FRMPD4: variants seen among roughly 807,000 people sequenced by gnomAD.
FRMPD4 encodes FERM and PDZ domain-containing protein 4.
Under a neutral mutation model 94.1 loss-of-function variants are expected in FRMPD4, and 22 were observed. That is an observed-to-expected ratio of 0.23 (90% CI 0.17 to 0.33). The LOEUF (loss-of-function observed/expected upper bound fraction) is 0.33, where lower values mean the gene tolerates loss of function less well. Among genes scored for constraint, FRMPD4 ranks in the 10% least tolerant of loss-of-function variants. The pLI, the probability that FRMPD4 is intolerant of heterozygous loss-of-function variation, is 1.00. For missense variants in FRMPD4, 1,111 were observed against 1,339.9 expected, an observed-to-expected ratio of 0.83 and a Z score of 2.67; for synonymous variants, 631 against 548.6, an observed-to-expected ratio of 1.15 and a Z score of -2.10.
intron 7 of FRMPD4, among the ~76,000 whole-genome samples, chrX:12,688,270 C>A (rs1433514098): frequency 8.9e-6 from 1 of 111,963 alleles, no homozygotes; most frequent in Non-Finnish European, 1.9e-5. Context: ...CTCCCTACCC[C>A]ACCTGAAGAC....
intron 3 of FRMPD4, among the ~76,000 whole-genome samples, chrX:11,927,953 A>G (rs1376833172): frequency 8.9e-6 from 1 of 112,204 alleles, no homozygotes; most frequent in Non-Finnish European, 1.9e-5. Flanking sequence ...AAACTATCAA[A>G]AGAGTAAACA....
chrX:12,441,024 G>A (rs1411635398), intron 1 of FRMPD4, among the ~76,000 whole-genome samples: 2 of 112,276 alleles, frequency 1.8e-5, no homozygotes, highest in Non-Finnish European at 3.8e-5. Flanking sequence ...TCATTTAGGA[G>A]GTTGGGTAGC....
At chrX:12,374,988 G>A (rs939561569) in intron 1 of FRMPD4, 1 of 112,409 alleles carries the variant, frequency 8.9e-6, no homozygotes, top group African/African-American at 3.2e-5. Flanking sequence ...TCTGGTTTGT[G>A]ATATGCTTCC....
At chrX:12,451,316 T>C (rs1381529329) in intron 1 of FRMPD4, among the ~76,000 whole-genome samples, 1 of 112,024 alleles carries the variant, frequency 8.9e-6, no homozygotes, top group African/African-American at 3.2e-5. Flanking sequence ...TTAATGACAC[T>C]TTCCTCTTTT....
chrX:11,970,139 A>T (rs893499044), intron 3 of FRMPD4, among the ~76,000 whole-genome samples: 1 of 111,893 alleles, frequency 8.9e-6, no homozygotes, highest in African/African-American at 3.2e-5. Context: ...GGTCAAAGGT[A>T]TGTACTTTTC....
At chrX:12,330,437 A>G (rs968755231) in intron 1 of FRMPD4, among the ~76,000 whole-genome samples, 3 of 111,463 alleles carry the variant, frequency 2.7e-5, no homozygotes, top group Admixed American at 9.6e-5. Context: ...TCTGTGGACA[A>G]TCTAGTAAGC....
intron 1 of FRMPD4, among the ~76,000 whole-genome samples, chrX:12,477,345 C>T (rs181006918): frequency 1.8e-5 from 2 of 111,773 alleles, no homozygotes; most frequent in East Asian, 5.6e-4. Context: ...AGGAGATATA[C>T]CTAATGTTAA....
Position 11,866,564 on chromosome X carries a change from A to G in FRMPD4, c.-30+1348A>G, listed in dbSNP as rs1040102435. On this transcript the variant is annotated intron_variant, in intron 2 of 18. Coordinates refer to the FRMPD4 transcript ENST00000640291. ...ATATCACCTCGGTAAGAGAAAAACAAAAAACAAATAGTAAGAATGTCAGTA... is the reference window on the plus strand; with the variant it reads ...ATATCACCTCGGTAAGAGAAAAACAGAAAACAAATAGTAAGAATGTCAGTA... Among the ~76,000 whole-genome samples, 4 of 112,162 alleles carry G rather than the reference A, an allele frequency of 3.6e-5. No individual in the cohort carries two copies. In the South Asian group the frequency reaches 1.5e-3, roughly 42 times the overall value.
At chrX:12,095,473 A>G (rs12009206) in intron 3 of FRMPD4, among the ~76,000 whole-genome samples, 37,661 of 110,375 alleles carry the variant, frequency 0.34, 4,991 homozygotes, top group Middle Eastern at 0.49. Context: ...AAACACAACC[A>G]TGTTCATTTA....
intron 11 of FRMPD4, 92 bp from the exon 12 acceptor site, chrX:12,706,734 C>T (rs2041881275): frequency 6.6e-6 from 3 of 454,927 alleles, no homozygotes; most frequent in Non-Finnish European, 1.1e-5. Flanking sequence ...TAAAATCATC[C>T]TTCTATCTTA....
intron 2 of FRMPD4, among the ~76,000 whole-genome samples, chrX:12,578,642 G>T (rs2058835525): frequency 8.9e-6 from 1 of 111,993 alleles, no homozygotes; most frequent in South Asian, 3.7e-4. Flanking sequence ...ACCAGCAAAA[G>T]AAGCCTTTTT....
At chrX:12,717,308 AT>A (rs200958984) in intron 15 of FRMPD4, among the ~76,000 whole-genome samples, 175 bp downstream of exon 15, 1 of 109,246 alleles carries the variant, frequency 9.2e-6, no homozygotes, top group Non-Finnish European at 1.9e-5. Context: ...TTCCTTTGTT[AT>A]TTTTTTTTAA....
intron 3 of FRMPD4, among the ~76,000 whole-genome samples, chrX:12,031,462 T>A (rs1372927583): frequency 1.8e-5 from 2 of 111,891 alleles, no homozygotes; most frequent in Non-Finnish European, 1.9e-5. Flanking sequence ...GATGATGAAC[T>A]GGGAGGATAA....
chrX:11,841,014 G>A (rs1459903322), intron 1 of FRMPD4, among the ~76,000 whole-genome samples: 16 of 107,182 alleles, frequency 1.5e-4, no homozygotes, highest in Non-Finnish European at 2.1e-4. Flanking sequence ...TTGTTCTTGC[G>A]ATAGTTTACT....
At chrX:12,362,603 C>T (rs1350593873) in intron 1 of FRMPD4, among the ~76,000 whole-genome samples, 2 of 111,168 alleles carry the variant, frequency 1.8e-5, no homozygotes, top group Non-Finnish European at 3.8e-5. Context: ...CCCAGTCTAT[C>T]GTTGTTGGAC....
intron 3 of FRMPD4, among the ~76,000 whole-genome samples, chrX:12,096,284 G>T (rs2055200433): frequency 8.9e-6 from 1 of 112,393 alleles, no homozygotes; most frequent in South Asian, 3.7e-4. Flanking sequence ...TTATTTGAAA[G>T]TAAAAGTCAC....
At chrX:12,574,488 C>A (rs375357315) in intron 2 of FRMPD4, among the ~76,000 whole-genome samples, 6 of 110,488 alleles carry the variant, frequency 5.4e-5, no homozygotes, top group Admixed American at 9.6e-5. Flanking sequence ...CATGGTGGAG[C>A]CTTTTATTTT....
intron 3 of FRMPD4, among the ~76,000 whole-genome samples, chrX:12,041,622 T>C (rs1293874011): frequency 9.0e-6 from 1 of 110,930 alleles, no homozygotes; most frequent in Non-Finnish European, 1.9e-5. Context: ...CTATCATCTG[T>C]ATACATGTAG....
chrX:12,502,048 T>G (rs925528214), intron 2 of FRMPD4, among the ~76,000 whole-genome samples: 3 of 112,055 alleles, frequency 2.7e-5, no homozygotes, highest in African/African-American at 9.7e-5. Flanking sequence ...GGCCACACAT[T>G]GGAATAGACT....
Sources: allele counts gnomAD v4.1 joint callset (sites outside exome capture counted in the v4.1 genomes callset), GRCh38; gene constraint gnomAD v4.1.1; transcripts MANE v1.5; gene names NCBI Gene and HGNC (gene_info 2026-07-23, HGNC 2026-07-21).